The following SELENOF variants were observed in gnomAD, a reference collection of about 807,000 sequenced individuals.
SELENOF encodes the protein 15 kDa selenoprotein.
A neutral mutation model predicts 20.5 loss-of-function variants in SELENOF; 16 were observed. The ratio of observed to expected loss-of-function variants is 0.78; its 90% CI spans 0.53 to 1.19. The LOEUF (loss-of-function observed/expected upper bound fraction) is 1.19. Ranked by LOEUF, SELENOF falls within the 50% of genes most tolerant of loss-of-function variation. SELENOF has a pLI of 0.00. For missense variants in SELENOF, 215 were observed against 194.2 expected, an observed-to-expected ratio of 1.11 and a Z score of -0.64; for synonymous variants, 78 against 74.5, an observed-to-expected ratio of 1.05 and a Z score of -0.24.
intron 3 of SELENOF, among the ~76,000 whole-genome samples, chr1:86,877,072 T>A (rs1015093786): frequency 6.6e-6 from 1 of 152,220 alleles, no homozygotes; most frequent in Non-Finnish European, 1.5e-5. Context: ...GGAGCAAATA[T>A]AAGATACAAT....
intron 2 of SELENOF, among the ~76,000 whole-genome samples, chr1:86,887,978 C>A (rs505150): frequency 0.064 from 9,792 of 152,144 alleles, 364 homozygotes; most frequent in Middle Eastern, 0.088. Flanking sequence ...TGACTCAAAG[C>A]GGCCAGGCGC....
chr1:86,911,412 T>G (rs1659977690), intron 1 of SELENOF, among the ~76,000 whole-genome samples: 1 of 152,234 alleles, frequency 6.6e-6, no homozygotes, highest in African/African-American at 2.4e-5. Flanking sequence ...AATTCTCCAC[T>G]TGTACCTTTC....
At chr1:86,911,472 C>T (rs1208140937) in intron 1 of SELENOF, among the ~76,000 whole-genome samples, 5 of 152,226 alleles carry the variant, frequency 3.3e-5, no homozygotes, top group Non-Finnish European at 7.3e-5. Context: ...GATAGACAAA[C>T]AAGTGCCTCC....
intron 1 of SELENOF, among the ~76,000 whole-genome samples, chr1:86,912,817 C>T (rs965732062): frequency 7.2e-5 from 11 of 152,064 alleles, no homozygotes; most frequent in African/African-American, 2.7e-4. Context: ...ACTCCACTGA[C>T]CCAGAATTAT....
chr1:86,880,595 G>T, intron 3 of SELENOF, 67 bp downstream of exon 3: 1 of 860,524 alleles, frequency 1.2e-6, no homozygotes, highest in Non-Finnish European at 1.8e-6. Context: ...AATATATAGT[G>T]AAAACGATTC....
chr1:86,911,869 C>T (rs770761677), intron 1 of SELENOF, among the ~76,000 whole-genome samples: 50 of 151,796 alleles, frequency 3.3e-4, no homozygotes, highest in Non-Finnish European at 4.7e-4. Flanking sequence ...GTGCAACCTC[C>T]GCCTCCTGGG....
chr1:86,877,478 C>G (rs1329779846), intron 3 of SELENOF, among the ~76,000 whole-genome samples: 2 of 152,162 alleles, frequency 1.3e-5, no homozygotes, highest in East Asian at 3.8e-4. Flanking sequence ...TTTGGAAATA[C>G]TTGCATACAT....
intron 2 of SELENOF, among the ~76,000 whole-genome samples, chr1:86,895,279 T>C (rs540151471): frequency 6.6e-6 from 1 of 152,340 alleles, no homozygotes; most frequent in South Asian, 2.1e-4. Context: ...TTTACCCTAC[T>C]TTGTCAATAG....
intron 3 of SELENOF, among the ~76,000 whole-genome samples, chr1:86,873,441 A>G (rs1048780207): frequency 6.6e-6 from 1 of 152,254 alleles, no homozygotes; most frequent in Non-Finnish European, 1.5e-5. Flanking sequence ...ACTTTCTAAT[A>G]GAACTTTCTG....
chr1:86,903,072 A>G (rs1016677307), intron 2 of SELENOF, among the ~76,000 whole-genome samples: 2 of 152,236 alleles, frequency 1.3e-5, no homozygotes, highest in African/African-American at 4.8e-5. Context: ...CTTGACAATC[A>G]TGGTGGAATG....
At chr1:86,885,590 C>T (rs12097857) in intron 2 of SELENOF, among the ~76,000 whole-genome samples, 4,857 of 152,224 alleles carry the variant, frequency 0.032, 115 homozygotes, top group African/African-American at 0.071. Flanking sequence ...CTTTCCAATA[C>T]GAAGCACTTA....
chr1:86,908,385 T>C (rs756420711), intron 1 of SELENOF, among the ~76,000 whole-genome samples: 4 of 152,234 alleles, frequency 2.6e-5, no homozygotes, highest in Non-Finnish European at 5.9e-5. Flanking sequence ...TACATTATTA[T>C]TCCATCTAAT....
intron 3 of SELENOF, 76 bp from the exon 4 acceptor site, chr1:86,868,178 G>A: frequency 2.9e-6 from 2 of 695,600 alleles, no homozygotes; most frequent in Non-Finnish European, 4.8e-6. Flanking sequence ...TATAAAAGTG[G>A]AAATAAACAA....
intron 1 of SELENOF, among the ~76,000 whole-genome samples, chr1:86,912,362 TTTAA>T (rs1478755269): frequency 1.3e-5 from 2 of 152,198 alleles, no homozygotes; most frequent in African/African-American, 2.4e-5. Flanking sequence ...TGGTACGCTG[TTTAA>T]TTAATTCCTA....
In SELENOF at chr1:86,898,118, T is replaced by C. The variant is rs891240472; in HGVS notation, c.252+5163A>G. Reference sequence around the variant, plus strand: ...TTTACATTTTCTTCAAGCTACAAATTAGTTATGATTTTTACAATAAGTCAA... The same window carrying C: ...TTTACATTTTCTTCAAGCTACAAATCAGTTATGATTTTTACAATAAGTCAA... On this transcript the variant is annotated intron_variant, in intron 2 of 4. Transcript: ENST00000331835. Among the ~76,000 whole-genome samples, 5 of 152,348 alleles carry C rather than the reference T, an allele frequency of 3.3e-5. No homozygotes were observed. The East Asian group carries it at 9.6e-4, about 29-fold the overall frequency.
At chr1:86,888,750 A>C (rs1659298612) in intron 2 of SELENOF, among the ~76,000 whole-genome samples, 1 of 151,902 alleles carries the variant, frequency 6.6e-6, no homozygotes, top group Non-Finnish European at 1.5e-5. Context: ...TGCAACCCCC[A>C]CCTCCCAGGT....
intron 2 of SELENOF, among the ~76,000 whole-genome samples, chr1:86,886,119 C>T (rs748219568): frequency 6.6e-6 from 1 of 152,100 alleles, no homozygotes; most frequent in African/African-American, 2.4e-5. Flanking sequence ...TACCTTAGAG[C>T]GGAGTTCTCA....
intron 2 of SELENOF, among the ~76,000 whole-genome samples, chr1:86,888,395 T>C (rs1659282545): frequency 6.6e-6 from 1 of 151,956 alleles, no homozygotes; most frequent in African/African-American, 2.4e-5. Flanking sequence ...AAAATGAAGG[T>C]CCTAATAATA....
At chr1:86,887,697 T>C (rs1178917281) in intron 2 of SELENOF, among the ~76,000 whole-genome samples, 1 of 152,134 alleles carries the variant, frequency 6.6e-6, no homozygotes, top group African/African-American at 2.4e-5. Context: ...GAGTTCTATA[T>C]ACACCTATAG....
Sources: gnomAD v4.1 joint callset for allele counts (sites outside exome capture counted in the v4.1 genomes callset) on GRCh38, gnomAD v4.1.1 for gene constraint, MANE v1.5 for transcripts, NCBI Gene and HGNC (gene_info 2026-07-23, HGNC 2026-07-21) for gene names.